Variants in PHF21B observed in about 807,000 individuals in gnomAD.
PHF21B encodes PHD finger protein 21B.
Under a neutral mutation model 62.2 loss-of-function variants are expected in PHF21B, and 22 were observed. That is an observed-to-expected ratio of 0.35 (90% CI 0.25 to 0.51). The LOEUF (loss-of-function observed/expected upper bound fraction) is 0.51. PHF21B is among the 20% of genes least tolerant of loss of function. PHF21B has a pLI of 0.97. For synonymous variants in PHF21B, 341 were observed against 314.7 expected, an observed-to-expected ratio of 1.08 and a Z score of -0.88; for missense variants, 701 against 707.9, an observed-to-expected ratio of 0.99 and a Z score of 0.11.
Position 45,009,128 on chromosome 22 carries a change from G to A in PHF21B, c.54+368C>T. ...TGCACACCGGGCAGGTTCGCCCGGG[G>A]CGCGGGGGCCCGAGGGGAGGCCGGA... is the stretch of plus-strand genomic sequence containing the variant. On this transcript the variant is annotated intron_variant, in intron 1 of 12. Coordinates refer to ENST00000313237, the MANE Select transcript of PHF21B (RefSeq NM_138415.5). This position sits in a 1 kb window ranked among gnomAD's most constrained non-coding sequence, Gnocchi z 5.9. 1 of 809,170 alleles carries A rather than the reference G, an allele frequency of 1.2e-6. No individual in the cohort carries two copies. The highest frequency in any genetic ancestry group is 4.4e-5 in the East Asian group (1 of 22,770). The allele number at this position is 809,170 out of a possible 1,614,324, so 50.1% of individuals were successfully genotyped here. A position where few individuals can be genotyped will look rare whatever the true frequency, so the allele number is the denominator to read the frequency against.
chr22:44,986,229 A>G (rs967292656), intron 2 of PHF21B, among the ~76,000 whole-genome samples: 4 of 151,590 alleles, frequency 2.6e-5, no homozygotes, highest in Non-Finnish European at 5.9e-5. Flanking sequence ...CACCATTATC[A>G]CCATCATTAT....
At chr22:45,005,392 C>T (rs1406776724) in intron 2 of PHF21B, among the ~76,000 whole-genome samples, 2 of 152,142 alleles carry the variant, frequency 1.3e-5, no homozygotes, top group East Asian at 3.8e-4. Context: ...ATATGAACTT[C>T]ATTTTCAAAT....
chr22:44,985,431 C>A (rs1329844310), intron 2 of PHF21B, among the ~76,000 whole-genome samples: 1 of 151,818 alleles, frequency 6.6e-6, no homozygotes, highest in Non-Finnish European at 1.5e-5. Flanking sequence ...AACAGTGAGA[C>A]CCTGTCTCTA....
intron 4 of PHF21B, among the ~76,000 whole-genome samples, chr22:44,914,858 G>A (rs2071407066): frequency 6.6e-6 from 1 of 152,122 alleles, no homozygotes; most frequent in Admixed American, 6.5e-5. Context: ...CCTCTCCCTG[G>A]GCCAGGATCC....
intron 5 of PHF21B, among the ~76,000 whole-genome samples, chr22:44,907,789 A>G (rs1236199564): frequency 6.6e-6 from 1 of 152,232 alleles, no homozygotes; most frequent in African/African-American, 2.4e-5. Context: ...TAGGAAAGTA[A>G]GGTGAAGCCA....
rs192152698 is a variant in PHF21B at position 45,001,973 on chromosome 22, T to A, written c.120+6572A>T. On this transcript the variant is annotated intron_variant, in intron 2 of 12. Coordinates refer to ENST00000313237, the MANE Select transcript of PHF21B (RefSeq NM_138415.5). ...TACTGCCATTTTCCCGATGAGCACGTGTTGCTTTTCTAAGAAAAACCTTTA... is the reference window on the plus strand; with the variant it reads ...TACTGCCATTTTCCCGATGAGCACGAGTTGCTTTTCTAAGAAAAACCTTTA... 3 of 152,388 alleles carry A rather than the reference T, an allele frequency of 2.0e-5. No homozygotes were observed. In the East Asian group the frequency reaches 5.8e-4, roughly 29 times the overall value. The allele number at this position is 152,388 out of a possible 1,614,324, so 9.4% of individuals were successfully genotyped here.
chr22:44,917,749 C>G (rs893409486), intron 3 of PHF21B, among the ~76,000 whole-genome samples: 1 of 152,256 alleles, frequency 6.6e-6, no homozygotes, highest in Non-Finnish European at 1.5e-5. Flanking sequence ...TCCTCCCACC[C>G]TGTGTCCAGT....
Position 44,965,893 on chromosome 22 carries a change from C to G in PHF21B, c.120+42652G>C, listed in dbSNP as rs531668690. ...CAGGGGGTCAGGACACCCGCTACCC[C>G]AAAGCTGCACACCCCCTGCTCCACC... On this transcript the variant is annotated intron_variant, in intron 2 of 12. Coordinates refer to ENST00000313237, the MANE Select transcript of PHF21B (RefSeq NM_138415.5). 2.2e-3 allele frequency among the ~76,000 whole-genome samples: 340 copies of G among 152,278 alleles called. 4 individuals carry two copies. Among genetic ancestry groups the G allele is most frequent in the African/African-American group, 8.0e-3 (332 of 41,554 alleles).
Position 45,007,911 on chromosome 22 carries a change from G to C in PHF21B, c.120+634C>G, listed in dbSNP as rs1019376147. On this transcript the variant is annotated intron_variant, in intron 2 of 12. Transcript: ENST00000313237. ...TTTTCCTCCCCGGAGGGGGCCCGGA[G>C]GGGGGGGAGCGGTCGCGCCTCCGAC... Among the ~76,000 whole-genome samples, 2 of 151,670 alleles carry C rather than the reference G, an allele frequency of 1.3e-5. 1 individual carries two copies. The highest frequency in any genetic ancestry group is 6.8e-3 in the Middle Eastern group (2 of 294).
intron 5 of PHF21B, among the ~76,000 whole-genome samples, chr22:44,898,024 G>C (rs958629520): frequency 6.6e-6 from 1 of 152,114 alleles, no homozygotes; most frequent in African/African-American, 2.4e-5. Context: ...ACCCAGGCTA[G>C]TCTCAAACTC....
intron 2 of PHF21B, among the ~76,000 whole-genome samples, chr22:44,969,787 C>A (rs573688385): frequency 1.3e-5 from 2 of 152,212 alleles, no homozygotes; most frequent in African/African-American, 4.8e-5. Context: ...AGACTTTCCG[C>A]TATCTCACCT....
chr22:44,884,395 GCACCATCAC>G (rs1351544276), intron 12 of PHF21B, among the ~76,000 whole-genome samples: 2 of 16,684 alleles, frequency 1.2e-4, no homozygotes, highest in Non-Finnish European at 1.5e-4. Flanking sequence ...ACGGTGATGA[GCACCATCAC>G]CACCATCACC....
chr22:44,902,853 A>C (rs931607431), intron 5 of PHF21B, among the ~76,000 whole-genome samples: 3 of 152,338 alleles, frequency 2.0e-5, no homozygotes, highest in Non-Finnish European at 2.9e-5. Context: ...GTTGTTAAAC[A>C]TAACTAAATG....
intron 2 of PHF21B, among the ~76,000 whole-genome samples, chr22:44,935,506 C>T (rs897564022): frequency 1.8e-4 from 28 of 152,132 alleles, no homozygotes; most frequent in African/African-American, 6.3e-4. Flanking sequence ...CCCAGCTGCT[C>T]GGGAGGCTGA....
chr22:44,922,760 G>C (rs976797965), intron 2 of PHF21B, among the ~76,000 whole-genome samples: 1 of 152,160 alleles, frequency 6.6e-6, no homozygotes, highest in African/African-American at 2.4e-5. Flanking sequence ...GGATGAATCT[G>C]ACAATAGCTA....
intron 2 of PHF21B, among the ~76,000 whole-genome samples, chr22:44,948,793 T>C (rs571035165): frequency 6.6e-6 from 1 of 152,232 alleles, no homozygotes; most frequent in South Asian, 2.1e-4. Flanking sequence ...AATCTCAGGA[T>C]ATTCCACTTT....
chr22:44,931,398 C>T lies in PHF21B; in HGVS notation c.121-10908G>A, dbSNP rs546503003. Among the ~76,000 whole-genome samples, 9 of 152,218 alleles carry T rather than the reference C, an allele frequency of 5.9e-5. No homozygotes were observed. The South Asian group carries it at 6.2e-4, about 11-fold the overall frequency. ...TGACCCTGACCAAAGCCAGGCCGGC[C>T]GAGGCAGGCTGCCCAGGGCCACTTA... is the stretch of plus-strand genomic sequence containing the variant. On this transcript the variant is annotated intron_variant, in intron 2 of 12. Coordinates refer to ENST00000313237, the MANE Select transcript of PHF21B (RefSeq NM_138415.5).
intron 2 of PHF21B, among the ~76,000 whole-genome samples, chr22:44,956,180 T>C (rs1280409007): frequency 6.6e-6 from 1 of 151,972 alleles, no homozygotes; most frequent in Non-Finnish European, 1.5e-5. Flanking sequence ...CTGGACTCAA[T>C]GGGTTGGAGA....
In PHF21B at chr22:45,009,538, C is replaced by G. The variant is rs1243966930; in HGVS notation, c.12G>C (p.Gln4His). Residue 4 changes from glutamine to histidine, a missense_variant, in exon 1 of 13, where the codon CAG (glutamine) becomes CAC (histidine). By Grantham distance (24) the Gln-to-His change is conservative. Coordinates refer to ENST00000313237, the MANE Select transcript of PHF21B (RefSeq NM_138415.5). The surrounding 1 kb of genome is among the most constrained non-coding windows in gnomAD (Gnocchi z 5.9). MEL[Q>H]SRPEALAVEL... is the part of the protein sequence containing the mutation. ...CCACGGCGAGCGCCTCGGGCCGGCTCTGCAGCTCCATCCCGGCAACTTGGG... is the reference window on the plus strand; with the variant it reads ...CCACGGCGAGCGCCTCGGGCCGGCTGTGCAGCTCCATCCCGGCAACTTGGG... The G allele has an allele frequency of 1.9e-6, 3 of 1,573,910 alleles. No homozygotes were observed. Among genetic ancestry groups the G allele is most frequent in the Admixed American group, 1.8e-5 (1 of 56,922 alleles).
Sources: gnomAD v4.1 joint callset for allele counts (sites outside exome capture counted in the v4.1 genomes callset) on GRCh38, gnomAD v4.1.1 for gene constraint, Gnocchi (gnomAD v3.1) non-coding constraint, MANE v1.5 for transcripts, NCBI Gene and HGNC (gene_info 2026-07-23, HGNC 2026-07-21) for gene names.